DPYD: variants seen among roughly 807,000 people sequenced by gnomAD.
DPYD encodes dihydropyrimidine dehydrogenase, also known as dihydropyrimidine dehydrogenase [NADP(+)].
In DPYD, 109 loss-of-function variants were observed where a neutral mutation model predicts 116.2. The observed-to-expected ratio is 0.94, with a 90% CI of 0.80 to 1.10. The LOEUF (loss-of-function observed/expected upper bound fraction) is 1.10. DPYD is among the 50% of genes least tolerant of loss of function. The probability of loss-of-function intolerance (pLI) is 0.00; values close to 1 mark genes in which losing one functional copy is unlikely to be tolerated. For synonymous variants in DPYD, 440 were observed against 432.0 expected (o/e 1.02, Z -0.23); for missense variants, 1,302 against 1,254.5 (o/e 1.04, Z -0.57).
At chr1:97,706,466 A>G (rs760474520) in intron 5 of DPYD, among the ~76,000 whole-genome samples, 10 of 152,088 alleles carry the variant, frequency 6.6e-5, no homozygotes, top group Non-Finnish European at 1.5e-4. Flanking sequence ...GGACTACAGC[A>G]TCATACACAA....
At chr1:97,342,731 T>C (rs1408201045) in intron 16 of DPYD, among the ~76,000 whole-genome samples, 4 of 152,142 alleles carry the variant, frequency 2.6e-5, no homozygotes, top group African/African-American at 9.7e-5. Context: ...TACATTTGTG[T>C]TGGGAGTTGA....
chr1:97,299,567 A>T (rs1666740190), intron 18 of DPYD, among the ~76,000 whole-genome samples: 1 of 152,146 alleles, frequency 6.6e-6, no homozygotes, highest in African/African-American at 2.4e-5. Flanking sequence ...GTAGACCTTG[A>T]TCTATGCTTT....
chr1:97,732,041 A>G (rs1663645138), intron 4 of DPYD, among the ~76,000 whole-genome samples: 1 of 152,114 alleles, frequency 6.6e-6, no homozygotes, highest in African/African-American at 2.4e-5. Flanking sequence ...CATTTATACT[A>G]ACATGACTCT....
At position 97,830,148 on chromosome 1, in the gene DPYD, T is replaced by C. The variant is rs557261217; in HGVS notation, c.151-1952A>G. On this transcript the variant is annotated intron_variant, in intron 2 of 22. Coordinates refer to ENST00000370192, the MANE Select transcript of DPYD (RefSeq NM_000110.4). ...CACATTTTCTTAATCCAGTTTATCA[T>C]TGATGGACATTTGGGCTGGTTCCAA... Among the ~76,000 whole-genome samples the C allele has an allele frequency of 8.1e-4, 123 of 152,296 alleles. 3 individuals are homozygous for C. In the South Asian group the frequency reaches 0.023, roughly 28 times the overall value.
intron 16 of DPYD, among the ~76,000 whole-genome samples, chr1:97,354,111 C>A (rs11165846): frequency 3.9e-5 from 6 of 152,046 alleles, no homozygotes; most frequent in Admixed American, 6.5e-5. Context: ...TGAGAGCCTG[C>A]TAAACAAAAA....
intron 5 of DPYD, among the ~76,000 whole-genome samples, chr1:97,714,655 C>CAAAAAAA (rs1193831747): frequency 5.2e-4 from 26 of 49,890 alleles, no homozygotes; most frequent in East Asian, 9.9e-4. Context: ...AAAGAAAAGA[C>CAAAAAAA]AAAAAAAAAA....
chr1:97,165,524 T>C (rs1656258753), intron 20 of DPYD, among the ~76,000 whole-genome samples: 1 of 151,908 alleles, frequency 6.6e-6, no homozygotes, highest in African/African-American at 2.4e-5. Flanking sequence ...AAAGATTTCA[T>C]GACGAAGCTT....
At chr1:97,671,304 ATCT>A (rs1483296901) in intron 8 of DPYD, among the ~76,000 whole-genome samples, 3 of 152,124 alleles carry the variant, frequency 2.0e-5, no homozygotes, top group African/African-American at 4.8e-5. Context: ...TTATATCATC[ATCT>A]TCATCACAAA....
intron 13 of DPYD, among the ~76,000 whole-genome samples, chr1:97,478,721 C>T (rs777301515): frequency 5.3e-5 from 8 of 152,198 alleles, no homozygotes; most frequent in Non-Finnish European, 1.2e-4. Flanking sequence ...ATTCACTCCT[C>T]TTGTTTAGCT....
At chr1:97,851,590 T>C (rs1430637507) in intron 2 of DPYD, among the ~76,000 whole-genome samples, 1 of 151,916 alleles carries the variant, frequency 6.6e-6, no homozygotes, top group Non-Finnish European at 1.5e-5. Flanking sequence ...AATCATAACA[T>C]TTTACAGAAA....
intron 7 of DPYD, among the ~76,000 whole-genome samples, chr1:97,681,578 A>C (rs1660429100): frequency 6.6e-6 from 1 of 152,192 alleles, no homozygotes; most frequent in South Asian, 2.1e-4. Context: ...CATTAATTAA[A>C]TATGTATTAT....
chr1:97,335,463 A>C (rs1025885090), intron 16 of DPYD, among the ~76,000 whole-genome samples: 1 of 152,172 alleles, frequency 6.6e-6, no homozygotes, highest in Non-Finnish European at 1.5e-5. Flanking sequence ...CTTTGAGCTC[A>C]TATCACCTTC....
chr1:97,731,296 GT>G (rs1167090451), intron 4 of DPYD, among the ~76,000 whole-genome samples: 4 of 151,848 alleles, frequency 2.6e-5, no homozygotes, highest in African/African-American at 9.6e-5. Context: ...AAATAAAAGG[GT>G]TTTTCAAAAA....
intron 6 of DPYD, among the ~76,000 whole-genome samples, chr1:97,694,270 G>A (rs1661179231): frequency 6.6e-6 from 1 of 152,174 alleles, no homozygotes; most frequent in Middle Eastern, 3.2e-3. Flanking sequence ...GTAGGGGGTA[G>A]GTGGAAATTA....
chr1:97,741,798 G>T (rs187820059), intron 3 of DPYD, among the ~76,000 whole-genome samples: 1 of 152,196 alleles, frequency 6.6e-6, no homozygotes, highest in East Asian at 1.9e-4. Context: ...ATGAGAATCT[G>T]GGTGAAATAT....
chr1:97,699,457 G>C lies in DPYD; in HGVS notation c.574C>G (p.Leu192Val), dbSNP rs1661473094. ...MSEAYSAKIA[L>V]FGAGPASISC... Reference sequence around the variant, plus strand: ...ATACTTGCAGGCCCAGCACCAAAAAGAGCAATCTTTGCAGAATAGGCTTCA... The same window carrying C: ...ATACTTGCAGGCCCAGCACCAAAAACAGCAATCTTTGCAGAATAGGCTTCA... Residue 192 changes from leucine (L) to valine (V), a missense_variant, in exon 6 of 23, where the codon CTT (leucine) becomes GTT (valine). By Grantham distance (32) the Leu-to-Val change is conservative. Transcript: ENST00000370192. 6.2e-7 allele frequency: 1 copy of C among 1,613,618 alleles called. No homozygotes were observed. The highest frequency in any genetic ancestry group is 8.5e-7 in the Non-Finnish European group (1 of 1,179,706).
chr1:97,844,258 A>G (rs1670179549), intron 2 of DPYD, among the ~76,000 whole-genome samples: 1 of 152,226 alleles, frequency 6.6e-6, no homozygotes, highest in African/African-American at 2.4e-5. Context: ...GTTTTCTGGC[A>G]CACAGCTCCT....
In DPYD at chr1:97,106,781, C is replaced by G. The variant is rs1441299146; in HGVS notation, c.2623-8149G>C. Among the ~76,000 whole-genome samples the G allele has an allele frequency of 3.4e-5, 5 of 146,676 alleles. No homozygotes were observed. In the East Asian group the frequency reaches 9.7e-4, roughly 28 times the overall value. ...GGCACGTCATGGGACTTCCTGGCCT[C>G]TATAACAACGTGAGCCAATTCCCAT... On this transcript the variant is annotated intron_variant, in intron 20 of 22. Coordinates refer to ENST00000370192, the MANE Select transcript of DPYD (RefSeq NM_000110.4).
chr1:97,408,122 A>G (rs750534872), intron 14 of DPYD, among the ~76,000 whole-genome samples: 1 of 152,102 alleles, frequency 6.6e-6, no homozygotes, highest in Non-Finnish European at 1.5e-5. Flanking sequence ...CAACAACCCA[A>G]TCCAGGCTGG....
Sources: gnomAD v4.1 joint callset for allele counts (sites outside exome capture counted in the v4.1 genomes callset) on GRCh38, gnomAD v4.1.1 for gene constraint, MANE v1.5 for transcripts, NCBI Gene and HGNC (gene_info 2026-07-23, HGNC 2026-07-21) for gene names.